NDRG3: variants seen among roughly 807,000 people sequenced by gnomAD.
NDRG3 encodes protein NDRG3.
Under a neutral mutation model 57.2 loss-of-function variants are expected in NDRG3, and 23 were observed. The ratio of observed to expected loss-of-function variants is 0.40; its 90% confidence interval spans 0.29 to 0.57. The LOEUF (loss-of-function observed/expected upper bound fraction) is 0.57, where lower values mean the gene tolerates loss of function less well. Among genes scored for constraint, NDRG3 ranks in the 20% least tolerant of loss-of-function variants. The pLI is 0.42. For missense variants in NDRG3, 384 were observed against 457.3 expected (o/e 0.84, Z 1.46); for synonymous variants, 132 against 162.6 (o/e 0.81, Z 1.43).
chr20:36,716,783 T>A (rs1165740850), intron 2 of NDRG3, among the ~76,000 whole-genome samples: 1 of 152,058 alleles, frequency 6.6e-6, no homozygotes, highest in African/African-American at 2.4e-5. Context: ...TACTCTCCTG[T>A]TTATTACAAG....
intron 1 of NDRG3, among the ~76,000 whole-genome samples, chr20:36,722,779 T>C (rs1343167138): frequency 6.6e-6 from 1 of 152,206 alleles, no homozygotes; most frequent in African/African-American, 2.4e-5. Flanking sequence ...CATTCACACA[T>C]ATGTATAATC....
intron 2 of NDRG3, among the ~76,000 whole-genome samples, chr20:36,716,848 G>A (rs1984309233): frequency 6.6e-6 from 1 of 152,140 alleles, no homozygotes; most frequent in Admixed American, 6.6e-5. Flanking sequence ...TAGATGGTGG[G>A]AAGAACCCTA....
At chr20:36,711,843 G>A (rs1445303135) in intron 2 of NDRG3, among the ~76,000 whole-genome samples, 3 of 151,944 alleles carry the variant, frequency 2.0e-5, no homozygotes, top group East Asian at 3.9e-4. Flanking sequence ...GCAGTGGCAC[G>A]ATCTTGGCTC....
At chr20:36,735,316 A>G (rs1294465469) in intron 1 of NDRG3, among the ~76,000 whole-genome samples, 1 of 152,182 alleles carries the variant, frequency 6.6e-6, no homozygotes, top group Admixed American at 6.5e-5. Flanking sequence ...GAGCACTCGG[A>G]TTTTAGATTT....
chr20:36,715,991 C>T (rs1984250998), intron 2 of NDRG3, among the ~76,000 whole-genome samples: 1 of 152,062 alleles, frequency 6.6e-6, no homozygotes, highest in African/African-American at 2.4e-5. Flanking sequence ...GCAAGAGCTA[C>T]TCAGGAGGCT....
chr20:36,672,619 A>C (rs2148062041), intron 8 of NDRG3, among the ~76,000 whole-genome samples: 1 of 152,310 alleles, frequency 6.6e-6, no homozygotes, highest in East Asian at 1.9e-4. Flanking sequence ...ACCTGAGGTC[A>C]GGAGTTTGAG....
At chr20:36,656,265 A>G in intron 15 of NDRG3, 95 bp downstream of exon 15, 1 of 1,201,216 alleles carries the variant, frequency 8.3e-7, no homozygotes, top group South Asian at 1.4e-5. Flanking sequence ...TAGCTGCCAC[A>G]GAGGTTATAT....
rs1982458187 is a variant in NDRG3, at chr20:36,693,137, T to C, written c.94-4353A>G. Among the ~76,000 whole-genome samples the C allele has an allele frequency of 1.2e-4, 7 of 59,214 alleles. 1 individual carries two copies. In the South Asian group the frequency reaches 4.0e-3, roughly 34 times the overall value. The allele number at this position is 59,214 out of a possible 152,430, so 38.8% of individuals were successfully genotyped here. A position where few individuals can be genotyped will look rare whatever the true frequency, so the allele number is the denominator to read the frequency against. ...ATATATATATATATATATATATATA[T>C]ATATACACACACACACATATACACA... On this transcript the variant is annotated intron_variant, in intron 3 of 15. Coordinates refer to ENST00000349004, the MANE Select transcript of NDRG3 (RefSeq NM_032013.4).
intron 1 of NDRG3, among the ~76,000 whole-genome samples, chr20:36,730,540 T>G (rs944222840): frequency 6.6e-6 from 1 of 151,928 alleles, no homozygotes; most frequent in Non-Finnish European, 1.5e-5. Context: ...ACAAAATAGT[T>G]TGCAGAAACC....
intron 13 of NDRG3, 113 bp downstream of exon 13, chr20:36,660,224 A>G: frequency 1.2e-6 from 1 of 843,538 alleles, no homozygotes; most frequent in African/African-American, 1.8e-5. Context: ...AAAGAAGAGA[A>G]TGAGATAACC....
chr20:36,661,991 A>G (rs896714473), intron 12 of NDRG3, among the ~76,000 whole-genome samples: 5 of 152,322 alleles, frequency 3.3e-5, no homozygotes, highest in Middle Eastern at 3.4e-3. Flanking sequence ...GTACCCGTTC[A>G]CTACAGAATG....
intron 12 of NDRG3, 58 bp from the exon 13 acceptor site, chr20:36,660,442 A>G: frequency 7.7e-7 from 1 of 1,302,536 alleles, no homozygotes; most frequent in Non-Finnish European, 1.1e-6. Flanking sequence ...AAAAAAACGA[A>G]ATAGCTCGGT....
At chr20:36,739,623 C>T (rs1248733391) in intron 1 of NDRG3, among the ~76,000 whole-genome samples, 2 of 150,312 alleles carry the variant, frequency 1.3e-5, no homozygotes, top group Non-Finnish European at 3.0e-5. Flanking sequence ...CTGGCTAACA[C>T]AGTGAAACCC....
chr20:36,681,950 G>A (rs535384679), intron 7 of NDRG3, among the ~76,000 whole-genome samples: 39 of 152,112 alleles, frequency 2.6e-4, no homozygotes, highest in African/African-American at 8.7e-4. Flanking sequence ...CACCCGTGTC[G>A]GCCTCCCAAA....
At chr20:36,717,423 A>T (rs969737503) in intron 2 of NDRG3, among the ~76,000 whole-genome samples, 3 of 152,220 alleles carry the variant, frequency 2.0e-5, no homozygotes, top group Non-Finnish European at 4.4e-5. Flanking sequence ...GGATAAGGTG[A>T]AATACTACAC....
At chr20:36,744,165 G>C (rs1363281057) in intron 1 of NDRG3, among the ~76,000 whole-genome samples, 1 of 152,082 alleles carries the variant, frequency 6.6e-6, no homozygotes, top group Non-Finnish European at 1.5e-5. Flanking sequence ...GCCTCCCAAA[G>C]TGCTGGGATT....
At chr20:36,730,178 CA>C (rs971421231) in intron 1 of NDRG3, among the ~76,000 whole-genome samples, 3 of 150,212 alleles carry the variant, frequency 2.0e-5, no homozygotes, top group African/African-American at 7.4e-5. Context: ...ACCTGGGAGG[CA>C]GAGGTTGCAG....
intron 3 of NDRG3, among the ~76,000 whole-genome samples, chr20:36,705,142 A>G (rs1191748298): frequency 6.6e-6 from 1 of 151,576 alleles, no homozygotes; most frequent in Non-Finnish European, 1.5e-5. Context: ...CAACATGGTG[A>G]AACCCCGTCT....
chr20:36,724,489 T>C (rs1218805781), intron 1 of NDRG3, among the ~76,000 whole-genome samples: 1 of 152,196 alleles, frequency 6.6e-6, no homozygotes, highest in Non-Finnish European at 1.5e-5. Context: ...AGCATCTACA[T>C]TCTCTTTTTC....
Sources: allele counts gnomAD v4.1 joint callset (sites outside exome capture counted in the v4.1 genomes callset), GRCh38; gene constraint gnomAD v4.1.1; transcripts MANE v1.5; gene names NCBI Gene and HGNC (gene_info 2026-07-23, HGNC 2026-07-21).